Variants in SPIN3 observed in about 807,000 individuals in gnomAD.
The protein encoded by SPIN3 is spindlin-3.
For missense variants in SPIN3, 176 were observed against 196.4 expected, an observed-to-expected ratio of 0.90 and a Z score of 0.62; for synonymous variants, 74 against 74.3, an observed-to-expected ratio of 1.00 and a Z score of 0.02.
chrX:56,981,197 C>A (rs1427600381), intron 3 of SPIN3, among the ~76,000 whole-genome samples: 5 of 109,109 alleles, frequency 4.6e-5, no homozygotes, highest in Non-Finnish European at 7.6e-5. Flanking sequence ...CCCGTCTCTA[C>A]TAAAAATACA....
At position 56,992,248 on chromosome X, in the gene SPIN3, A is replaced by T; in HGVS notation, c.*1923T>A. The T allele has an allele frequency of 3.4e-6, 1 of 297,312 alleles. No homozygotes were observed. Among genetic ancestry groups the T allele is most frequent in the East Asian group, 4.8e-5 (1 of 21,044 alleles). The allele number at this position is 297,312 out of a possible 1,213,427, so 24.5% of individuals were successfully genotyped here. Reference sequence around the variant, plus strand: ...AGGAGTTGAATTAATCTAACCCCACAATTGCATGTCATACATATTAAAGAG... The same window carrying T: ...AGGAGTTGAATTAATCTAACCCCACTATTGCATGTCATACATATTAAAGAG... On this transcript the variant is annotated 3_prime_UTR_variant, in exon 2 of 2. Transcript: ENST00000374919.
At chrX:56,984,513 C>G (rs1335483957) in intron 2 of SPIN3, 2 of 318,301 alleles carry the variant, frequency 6.3e-6, no homozygotes, top group African/African-American at 5.6e-5. Flanking sequence ...AGTGGAGGAG[C>G]TGACATTTGA....
At chrX:56,982,786 G>T (rs983084188) in intron 3 of SPIN3, 8 of 111,674 alleles carry the variant, frequency 7.2e-5, no homozygotes, top group Non-Finnish European at 1.5e-4. Flanking sequence ...TGACCAAGCT[G>T]TGGAGTTAAT....
chrX:56,995,256 G>A lies in SPIN3; in HGVS notation c.-43C>T, dbSNP rs1378091317. The A allele has an allele frequency of 1.8e-5, 5 of 277,260 alleles. No individual in the cohort carries two copies. The highest frequency in any genetic ancestry group is 1.1e-4 in the African/African-American group (4 of 36,636). 22.8% of individuals were successfully genotyped at this position (277,260 alleles called of 1,213,427 possible). A position where few individuals can be genotyped will look rare whatever the true frequency, so the allele number is the denominator to read the frequency against. ...AGATTCCCCACCGTCCCGGATTGCG[G>A]GCCTCAAGTGCACAAATCGGACACC... is the stretch of plus-strand genomic sequence containing the variant. On this transcript the variant is annotated 5_prime_UTR_variant, in exon 1 of 2. Transcript: ENST00000374919.
downstream of SPIN3, chrX:56,975,902 A>C (rs1341435126): frequency 2.7e-5 from 3 of 110,900 alleles, no homozygotes; most frequent in Admixed American, 1.9e-4. Context: ...TAGAGCTCCT[A>C]GATGTGTGTG....
intron 3 of SPIN3, chrX:56,981,875 C>T (rs1052247109): frequency 9.0e-6 from 1 of 111,549 alleles, no homozygotes; most frequent in Non-Finnish European, 1.9e-5. Context: ...ATTCCCTGTG[C>T]CTTTCATTTT....
downstream of SPIN3, among the ~76,000 whole-genome samples, chrX:56,989,498 C>CT (rs1259536857): frequency 2.7e-5 from 3 of 111,403 alleles, no homozygotes; most frequent in African/African-American, 9.8e-5. Flanking sequence ...GAGATATACC[C>CT]TAGTGCAGGG....
Position 56,992,496 on chromosome X carries a change from G to A in SPIN3, c.*1675C>T, listed in dbSNP as rs942239321. On this transcript the variant is annotated 3_prime_UTR_variant, in exon 2 of 2. Transcript: ENST00000374919. ...AGCAAAAGTAGACAGATAAAACATA[G>A]GAGAAAAGAGAACATCTTCTTTGTT... 1 of 295,477 alleles carries A rather than the reference G, an allele frequency of 3.4e-6. No individual in the cohort carries two copies. Among genetic ancestry groups the A allele is most frequent in the African/African-American group, 2.8e-5 (1 of 36,315 alleles). 24.4% of individuals were successfully genotyped at this position (295,477 alleles called of 1,213,427 possible). A position where few individuals can be genotyped will look rare whatever the true frequency, so the allele number is the denominator to read the frequency against.
At chrX:56,987,346 A>G (rs1344969197), downstream of SPIN3, among the ~76,000 whole-genome samples, 1 of 109,617 alleles carries the variant, frequency 9.1e-6, no homozygotes, top group Non-Finnish European at 1.9e-5. Flanking sequence ...TCTCTCTAGA[A>G]CACTCCTTCC....
downstream of SPIN3, among the ~76,000 whole-genome samples, chrX:56,990,069 C>A (rs1295480394): frequency 9.1e-6 from 1 of 109,975 alleles, no homozygotes; most frequent in Non-Finnish European, 1.9e-5. Context: ...GAACACCTGA[C>A]CTTGCTAAGC....
At chrX:56,980,602 G>A (rs1448168311) in intron 3 of SPIN3, 2 of 109,142 alleles carry the variant, frequency 1.8e-5, no homozygotes, top group Admixed American at 9.9e-5. Context: ...AAAAAAAAAA[G>A]GGACAAAAGA....
At chrX:56,990,693 T>C (rs1430662895), downstream of SPIN3, 1 of 111,470 alleles carries the variant, frequency 9.0e-6, no homozygotes, top group African/African-American at 3.3e-5. Context: ...TTGAGAAAAA[T>C]TGGACTGGCA....
At chrX:56,986,141 T>C (rs1924216936), downstream of SPIN3, among the ~76,000 whole-genome samples, 2 of 111,680 alleles carry the variant, frequency 1.8e-5, no homozygotes, top group South Asian at 3.7e-4. Flanking sequence ...AGAACAGGCA[T>C]CACTGAATGC....
chrX:56,988,020 ACT>A (rs769561681), downstream of SPIN3, among the ~76,000 whole-genome samples: 1 of 111,649 alleles, frequency 9.0e-6, no homozygotes, highest in African/African-American at 3.3e-5. Flanking sequence ...AAAGAGTGTT[ACT>A]CTCTCTATCA....
intron 2 of SPIN3, among the ~76,000 whole-genome samples, chrX:56,984,955 G>A (rs1008664337): frequency 9.0e-6 from 1 of 111,276 alleles, no homozygotes; most frequent in East Asian, 2.8e-4. Flanking sequence ...CCAAACCATA[G>A]CCTTCTTCAT....
At position 56,993,941 on chromosome X, in the gene SPIN3, T is replaced by G; in HGVS notation, c.*230A>C. On this transcript the variant is annotated 3_prime_UTR_variant, in exon 2 of 2. Transcript: ENST00000374919. The stretch of plus-strand genomic sequence containing the variant: ...AGTATGAGCCAATGGATGTCAGACT[T>G]TACCCTTCTCACTAATCAGTTAAAT... 2.7e-6 allele frequency: 1 copy of G among 365,624 alleles called. No individual in the cohort carries two copies. The highest frequency in any genetic ancestry group is 4.7e-6 in the Non-Finnish European group (1 of 213,297). 30.1% of individuals were successfully genotyped at this position (365,624 alleles called of 1,213,427 possible).
At chrX:56,987,252 G>A (rs1483558202), downstream of SPIN3, among the ~76,000 whole-genome samples, 1 of 111,822 alleles carries the variant, frequency 8.9e-6, no homozygotes, top group Non-Finnish European at 1.9e-5. Flanking sequence ...ACAGGCCCTA[G>A]GTTTCAATGT....
chrX:56,992,774 T>C lies in SPIN3; in HGVS notation c.*1397A>G. The C allele has an allele frequency of 3.6e-6, 1 of 274,546 alleles. No homozygotes were observed. The highest frequency in any genetic ancestry group is 2.4e-4 in the South Asian group (1 of 4,135). The allele number at this position is 274,546 out of a possible 1,213,427, so 22.6% of individuals were successfully genotyped here. A position where few individuals can be genotyped will look rare whatever the true frequency, so the allele number is the denominator to read the frequency against. ...AAAAACCATGCTTGTACTTCAACTT[T>C]TCTTTCCTAGGCTTTGGTTAACCTC... On this transcript the variant is annotated 3_prime_UTR_variant, in exon 2 of 2. Coordinates refer to ENST00000374919, the MANE Select transcript of SPIN3 (RefSeq NM_001010862.3).
At chrX:56,987,230 T>A (rs1375093474), downstream of SPIN3, among the ~76,000 whole-genome samples, 1 of 112,000 alleles carries the variant, frequency 8.9e-6, no homozygotes, top group African/African-American at 3.2e-5. Context: ...TGCAGAACAG[T>A]AGAGAAGAAT....
Sources: gnomAD v4.1 joint callset for allele counts (sites outside exome capture counted in the v4.1 genomes callset) on GRCh38, gnomAD v4.1.1 for gene constraint, MANE v1.5 for transcripts, NCBI Gene and HGNC (gene_info 2026-07-23, HGNC 2026-07-21) for gene names.